RPH3AL: variants seen among roughly 807,000 people sequenced by gnomAD.
RPH3AL encodes rab effector Noc2.
In RPH3AL, 38 loss-of-function variants were observed where a neutral mutation model predicts 43.1. The ratio of observed to expected loss-of-function variants is 0.88; its 90% CI spans 0.68 to 1.15. RPH3AL has a LOEUF of 1.15. RPH3AL is among the 50% of genes most tolerant of loss of function. The pLI, the probability that RPH3AL is intolerant of heterozygous loss-of-function variation, is 0.00. For synonymous variants in RPH3AL, 189 were observed against 176.3 expected (o/e 1.07, Z -0.57); for missense variants, 462 against 423.2 (o/e 1.09, Z -0.81).
intron 5 of RPH3AL, among the ~76,000 whole-genome samples, chr17:309,722 G>A (rs2151652450): frequency 7.1e-6 from 1 of 140,302 alleles, no homozygotes; most frequent in East Asian, 2.0e-4. Flanking sequence ...CCTGCTGGGG[G>A]TCCAGGATAC....
intron 6 of RPH3AL, among the ~76,000 whole-genome samples, chr17:266,887 A>T (rs782653899): frequency 2.0e-5 from 3 of 152,164 alleles, no homozygotes; most frequent in Non-Finnish European, 4.4e-5. Flanking sequence ...TCGCAGAGGG[A>T]GGTGTTGCCC....
At chr17:314,099 T>C (rs183614412) in intron 5 of RPH3AL, among the ~76,000 whole-genome samples, 121 of 152,278 alleles carry the variant, frequency 7.9e-4, no homozygotes, top group Admixed American at 7.7e-3. Flanking sequence ...CACTGTTGCC[T>C]AAGACATGGC....
Position 245,495 on chromosome 17 carries a change from T to C in RPH3AL, c.613+1616A>G, listed in dbSNP as rs374303879. Among the ~76,000 whole-genome samples the C allele has an allele frequency of 5.1e-3, 773 of 152,044 alleles. 6 individuals carry two copies. The highest frequency in any genetic ancestry group is 0.018 in the African/African-American group (732 of 41,438). On this transcript the variant is annotated intron_variant, in intron 7 of 9. Transcript: ENST00000331302. The surrounding 1 kb of genome is among the most constrained non-coding windows in gnomAD (Gnocchi z 5.9). ...TGGATGTGAGTGTGTGTGTATGCCC[T>C]GACTTGGAGCAGACGGGGCAGTGGC...
intron 7 of RPH3AL, 33 bp downstream of exon 7, chr17:247,078 G>A (rs2151544921): frequency 1.2e-6 from 2 of 1,613,002 alleles, no homozygotes; most frequent in African/African-American, 2.7e-5. Context: ...AAACTTTACA[G>A]GCCATCCTGG....
chr17:311,651 G>A (rs747771167), intron 5 of RPH3AL, among the ~76,000 whole-genome samples: 4 of 152,220 alleles, frequency 2.6e-5, no homozygotes, highest in Non-Finnish European at 4.4e-5. Flanking sequence ...GATCAAGAAA[G>A]ACATTTATAC....
Position 327,488 on chromosome 17 carries a change from C to T in RPH3AL, c.56G>A (p.Arg19Gln), listed in dbSNP as rs755379838. The change falls in exon 3 of 10, where the codon CGG becomes CAG. Residue 19 changes from arginine to glutamine, a missense_variant. Transcript: ENST00000331302. ...GNDQWVCPND[R>Q]QLALRAKLQT... ...TCACTTGGCTCGAAGGGCAAGCTGC[C>T]GGTCATTGGGGCAAACCCACTGATC... 33 of 1,613,790 alleles carry T rather than the reference C, an allele frequency of 2.0e-5. No individual in the cohort carries two copies. Among genetic ancestry groups the T allele is most frequent in the Admixed American group, 5.0e-5 (3 of 59,996 alleles).
At chr17:280,972 G>A (rs781713869) in intron 6 of RPH3AL, among the ~76,000 whole-genome samples, 3 of 152,174 alleles carry the variant, frequency 2.0e-5, no homozygotes, top group Non-Finnish European at 4.4e-5. Context: ...AAGACCAGCT[G>A]CACGCCTCCT....
At chr17:258,049 C>A (rs1397377752) in intron 6 of RPH3AL, among the ~76,000 whole-genome samples, 1 of 151,720 alleles carries the variant, frequency 6.6e-6, no homozygotes, top group Non-Finnish European at 1.5e-5. Flanking sequence ...ATCACTTCTT[C>A]AGGGCTCACG....
chr17:272,233 G>A (rs2042482563), intron 6 of RPH3AL, among the ~76,000 whole-genome samples: 1 of 152,156 alleles, frequency 6.6e-6, no homozygotes, highest in South Asian at 2.1e-4. Flanking sequence ...AATACCATTT[G>A]ACCCAGCCAT....
intron 6 of RPH3AL, among the ~76,000 whole-genome samples, chr17:265,062 T>A (rs566612443): frequency 6.6e-6 from 1 of 152,166 alleles, no homozygotes; most frequent in Non-Finnish European, 1.5e-5. Context: ...GGGTGCCTCA[T>A]ACTTTATGAG....
At position 264,291 on chromosome 17, in the gene RPH3AL, G is replaced by A. The variant is rs1300266555; in HGVS notation, c.439-17006C>T. 6.6e-6 allele frequency among the ~76,000 whole-genome samples: 1 copy of A among 150,590 alleles called. No individual in the cohort carries two copies. The highest frequency in any genetic ancestry group is 2.5e-5 in the African/African-American group (1 of 40,518). ...CCTTCGGAGCCGCGAGCGCTGGATG[G>A]GGACTCAGAATCCGCAGCACGTTGA... is the stretch of plus-strand genomic sequence containing the variant. On this transcript the variant is annotated intron_variant, in intron 6 of 9. Coordinates refer to ENST00000331302, the MANE Select transcript of RPH3AL (RefSeq NM_006987.4). This position sits in a 1 kb window ranked among gnomAD's most constrained non-coding sequence, Gnocchi z 4.8.
chr17:314,781 C>T (rs1280685825), intron 5 of RPH3AL, among the ~76,000 whole-genome samples: 69 of 148,430 alleles, frequency 4.6e-4, no homozygotes, highest in African/African-American at 1.6e-3. Flanking sequence ...GACCCCACCT[C>T]CATTGACCTG....
At chr17:316,883 T>C (rs564632840) in intron 5 of RPH3AL, among the ~76,000 whole-genome samples, 88 of 143,210 alleles carry the variant, frequency 6.1e-4, no homozygotes, top group African/African-American at 1.7e-3. Flanking sequence ...TCCACCTCCA[T>C]TGACCTGTAG....
At chr17:327,660 G>T in intron 2 of RPH3AL, 81 bp from the exon 3 acceptor site, 1 of 806,250 alleles carries the variant, frequency 1.2e-6, no homozygotes. Flanking sequence ...GTGCCCTCAG[G>T]CCCCTCCACA....
At chr17:276,411 G>C (rs1270459277) in intron 6 of RPH3AL, among the ~76,000 whole-genome samples, 2 of 152,062 alleles carry the variant, frequency 1.3e-5, no homozygotes, top group East Asian at 3.9e-4. Context: ...TTGCTCTAAA[G>C]ACCTCAGTGA....
At chr17:313,716 A>C (rs2043714575) in intron 5 of RPH3AL, among the ~76,000 whole-genome samples, 1 of 152,208 alleles carries the variant, frequency 6.6e-6, no homozygotes, top group African/African-American at 2.4e-5. Flanking sequence ...GACTGTGTCC[A>C]TCTCGTTCAC....
intron 6 of RPH3AL, among the ~76,000 whole-genome samples, chr17:250,804 T>C (rs1434227573): frequency 1.3e-5 from 2 of 149,746 alleles, no homozygotes; most frequent in Non-Finnish European, 3.0e-5. Context: ...CTAAACTCCA[T>C]CACTGCGGGA....
chr17:251,177 G>A (rs2041894356), intron 6 of RPH3AL, among the ~76,000 whole-genome samples: 1 of 152,214 alleles, frequency 6.6e-6, no homozygotes, highest in Non-Finnish European at 1.5e-5. Flanking sequence ...TGAAGGGCCT[G>A]CTTTTGTGTC....
At chr17:291,463 G>A (rs1008415676) in intron 5 of RPH3AL, among the ~76,000 whole-genome samples, 9 of 152,032 alleles carry the variant, frequency 5.9e-5, no homozygotes, top group African/African-American at 2.2e-4. Context: ...AGTTGAAATC[G>A]GCAGGTGAGC....
Sources: allele counts gnomAD v4.1 joint callset (sites outside exome capture counted in the v4.1 genomes callset), GRCh38; gene constraint gnomAD v4.1.1; non-coding constraint Gnocchi (gnomAD v3.1); transcripts MANE v1.5; gene names NCBI Gene and HGNC (gene_info 2026-07-23, HGNC 2026-07-21).